Variants in FGD2 observed in about 807,000 individuals in gnomAD.
FGD2 encodes the protein FYVE, RhoGEF and PH domain-containing protein 2.
A neutral mutation model predicts 75.9 loss-of-function variants in FGD2; 52 were observed. The ratio of observed to expected loss-of-function variants is 0.69; its 90% confidence interval spans 0.55 to 0.86. The LOEUF (loss-of-function observed/expected upper bound fraction) is 0.86. FGD2 is among the 40% of genes least tolerant of loss of function. The pLI, the probability that FGD2 is intolerant of heterozygous loss-of-function variation, is 0.00. For missense variants in FGD2, 790 were observed against 872.0 expected, an observed-to-expected ratio of 0.91 and a Z score of 1.18; for synonymous variants, 347 against 348.6, an observed-to-expected ratio of 1.00 and a Z score of 0.05.
chr6:37,005,895 G>T lies in FGD2; in HGVS notation c.68+10G>T, dbSNP rs1764725211. On this transcript the variant is annotated intron_variant, in intron 1 of 15. Transcript: ENST00000274963. ...TGTTTGAGAATAGCAGGTATGGGCA[G>T]CTGGGGTGGGAGGGTCACCATGGTG... 1 of 1,612,988 alleles carries T rather than the reference G, an allele frequency of 6.2e-7. No homozygotes were observed. Among genetic ancestry groups the T allele is most frequent in the East Asian group, 2.2e-5 (1 of 44,872 alleles).
At chr6:37,009,136 T>C (rs1380398409) in intron 2 of FGD2, 71 bp downstream of exon 2, 9 of 1,440,296 alleles carry the variant, frequency 6.2e-6, no homozygotes, top group Non-Finnish European at 8.5e-6. Context: ...CCTCCACACA[T>C]GCTTTCCTAG....
chr6:37,027,545 C>G lies in FGD2; in HGVS notation c.1722C>G (p.Pro574=), dbSNP rs752181214. The change falls in exon 15 of 16, where the codon CCC becomes CCG. Residue 574 remains proline (P), a synonymous_variant. Transcript: ENST00000274963. ...RGWCVIPRDD[P]LVLYVYAAPQ... ...GGTGTGTGATCCCTCGGGATGACCC[C>G]CTCGTGCTCTATGTCTATGCTGCCC... 18 of 1,614,112 alleles carry G rather than the reference C, an allele frequency of 1.1e-5. No individual in the cohort carries two copies. In the Admixed American group the frequency reaches 2.8e-4, roughly 25 times the overall value.
chr6:37,011,643 C>T (rs984151905), intron 3 of FGD2, 63 bp from the exon 4 acceptor site: 14 of 1,607,986 alleles, frequency 8.7e-6, no homozygotes, highest in Non-Finnish European at 1.2e-5. Context: ...CCCTAGTTCC[C>T]CCGGGCTGAT....
intron 9 of FGD2, among the ~76,000 whole-genome samples, chr6:37,017,870 C>A (rs888553479): frequency 6.6e-6 from 1 of 152,194 alleles, no homozygotes; most frequent in African/African-American, 2.4e-5. Flanking sequence ...TGGGGTGCAG[C>A]CTGGGAATGA....
chr6:37,026,063 C>T (rs563890502), intron 14 of FGD2, 125 bp downstream of exon 14: 20 of 1,473,252 alleles, frequency 1.4e-5, no homozygotes, highest in South Asian at 1.1e-4. Flanking sequence ...ACCCTCCCCC[C>T]TCTCCCTCTT....
intron 14 of FGD2, 194 bp downstream of exon 14, chr6:37,026,132 T>C: frequency 2.0e-6 from 2 of 985,348 alleles, no homozygotes; most frequent in Non-Finnish European, 2.4e-6. Flanking sequence ...GTGGAGCCTG[T>C]CACCAAATGG....
In FGD2 at chr6:37,006,035, G is replaced by C. The variant is rs894456278; in HGVS notation, c.68+150G>C. On this transcript the variant is annotated intron_variant, in intron 1 of 15. Transcript: ENST00000274963. ...CGGTCACGGATTCCTTGGAGCATGG[G>C]AGAGTGTCGGTGGGACACCAGGAGC... 9.1e-6 allele frequency: 8 copies of C among 883,574 alleles called. No homozygotes were observed. The African/African-American group carries it at 9.9e-5, about 11-fold the overall frequency. The allele number at this position is 883,574 out of a possible 1,614,324, so 54.7% of individuals were successfully genotyped here. A position where few individuals can be genotyped will look rare whatever the true frequency, so the allele number is the denominator to read the frequency against.
intron 2 of FGD2, chr6:37,009,382 T>G (rs1290985010): frequency 3.9e-6 from 1 of 258,292 alleles, no homozygotes; most frequent in Non-Finnish European, 7.5e-6. Context: ...AACCTAATAC[T>G]CTTCTCAGGT....
chr6:37,027,871 C>A, intron 15 of FGD2, 77 bp from the exon 16 acceptor site: 1 of 1,500,678 alleles, frequency 6.7e-7, no homozygotes, highest in Admixed American at 1.7e-5. Context: ...GCGTGCGTGG[C>A]TGTTGCCTTC....
At chr6:37,027,649 T>A in intron 15 of FGD2, 74 bp downstream of exon 15, 2 of 1,553,704 alleles carry the variant, frequency 1.3e-6, no homozygotes, top group Middle Eastern at 1.9e-4. Flanking sequence ...GGGTCAGGGG[T>A]GAGTATTGCT....
In FGD2 at chr6:37,011,761, A is replaced by T. The variant is rs200637703; in HGVS notation, c.434A>T (p.Asp145Val). ...TARSSKAFPE[D>V]VVRVIFSNIS... The stretch of plus-strand genomic sequence containing the variant: ...CGCAGCAGCAAGGCCTTCCCAGAGG[A>T]TGTGGTCAGGGTCATCTTCTCCAAC... The change falls in exon 4 of 16, where the codon GAT becomes GTT. Residue 145 changes from aspartate to valine, a missense_variant. Physicochemically the swap from Asp to Val is radical, Grantham distance 152. Coordinates refer to ENST00000274963, the MANE Select transcript of FGD2 (RefSeq NM_173558.4). 6.5e-5 allele frequency: 105 copies of T among 1,614,070 alleles called. 1 individual carries two copies. The East Asian group carries it at 2.2e-3, about 34-fold the overall frequency.
Position 37,022,559 on chromosome 6 carries a change from C to A in FGD2, c.1458+189C>A. The A allele has an allele frequency of 4.0e-6, 3 of 750,668 alleles. No homozygotes were observed. The South Asian group carries it at 7.4e-5, about 18-fold the overall frequency. 46.5% of individuals were successfully genotyped at this position (750,668 alleles called of 1,614,324 possible). ...AGGCCTCCACCTGTGTCACCCAGGCCTCTATCTTTCCTACCTAGGCTTCCA... is the reference window on the plus strand; with the variant it reads ...AGGCCTCCACCTGTGTCACCCAGGCATCTATCTTTCCTACCTAGGCTTCCA... On this transcript the variant is annotated intron_variant, in intron 13 of 15. Coordinates refer to ENST00000274963, the MANE Select transcript of FGD2 (RefSeq NM_173558.4).
At chr6:37,021,833 G>A in intron 12 of FGD2, 2 of 523,316 alleles carry the variant, frequency 3.8e-6, no homozygotes, top group Non-Finnish European at 3.4e-6. Context: ...TTGGGGAAGT[G>A]TTTCACGTCT....
chr6:37,012,992 A>ATATATATACGTGTATATATATG (rs1554148880), intron 4 of FGD2: 4 of 103,330 alleles, frequency 3.9e-5, no homozygotes, highest in African/African-American at 1.5e-4. Context: ...GTGTGTATAC[A>ATATATATACGTGTATATATATG]TATATATACG....
At chr6:37,016,689 A>C (rs2150776118) in intron 9 of FGD2, among the ~76,000 whole-genome samples, 1 of 152,084 alleles carries the variant, frequency 6.6e-6, no homozygotes, top group South Asian at 2.1e-4. Flanking sequence ...GCGAGCCCCC[A>C]TGCCCGGCCA....
chr6:37,015,740 G>T (rs115364178), intron 8 of FGD2, 28 bp from the exon 9 acceptor site: 2 of 1,560,512 alleles, frequency 1.3e-6, no homozygotes, highest in Non-Finnish European at 1.7e-6. Context: ...CCCCTGCCAC[G>T]GGCCACTCAC....
chr6:37,017,080 C>T (rs1404763969), intron 9 of FGD2, among the ~76,000 whole-genome samples: 2 of 151,970 alleles, frequency 1.3e-5, no homozygotes, highest in Non-Finnish European at 2.9e-5. Flanking sequence ...CAGTGGTATA[C>T]TCTACACATT....
At chr6:37,023,013 C>T (rs375267254) in intron 13 of FGD2, 226 of 155,648 alleles carry the variant, frequency 1.5e-3, no homozygotes, top group Admixed American at 1.6e-3. Flanking sequence ...TCATTTTCCA[C>T]GACCCTGAGA....
At chr6:37,021,114 G>T (rs1481703911) in intron 11 of FGD2, among the ~76,000 whole-genome samples, 2 of 151,832 alleles carry the variant, frequency 1.3e-5, no homozygotes, top group African/African-American at 4.8e-5. Flanking sequence ...GTACGTGCTT[G>T]TGTGTATGTG....
Sources: allele counts gnomAD v4.1 joint callset (sites outside exome capture counted in the v4.1 genomes callset), GRCh38; gene constraint gnomAD v4.1.1; transcripts MANE v1.5; gene names NCBI Gene and HGNC (gene_info 2026-07-23, HGNC 2026-07-21).